EPB41: variants seen among roughly 807,000 people sequenced by gnomAD.
The protein encoded by EPB41 is erythrocyte membrane protein band 4.1.
EPB41 carries 65 observed loss-of-function variants against 108.0 expected under a neutral mutation model. The ratio of observed to expected loss-of-function variants is 0.60; its 90% CI spans 0.49 to 0.74. The LOEUF (loss-of-function observed/expected upper bound fraction) is 0.74, where lower values mean the gene tolerates loss of function less well. Ranked by LOEUF, EPB41 falls within the 30% of genes least tolerant of loss-of-function variation. The probability of loss-of-function intolerance (pLI) is 0.00; values close to 1 mark genes in which losing one functional copy is unlikely to be tolerated. For synonymous variants in EPB41, 336 were observed against 358.9 expected (o/e 0.94, Z 0.72); for missense variants, 875 against 1,037.0 (o/e 0.84, Z 2.15).
chr1:29,060,362 C>T (rs1230870856), intron 14 of EPB41, 60 bp from the exon 15 acceptor site: 23 of 1,558,520 alleles, frequency 1.5e-5, no homozygotes, highest in Admixed American at 6.8e-5. Context: ...AGTTTTTTCC[C>T]GCAAGAACAA....
intron 2 of EPB41, among the ~76,000 whole-genome samples, chr1:28,990,296 T>TTTCCTTCC (rs201526830): frequency 0.044 from 1,932 of 44,058 alleles, 139 homozygotes; most frequent in African/African-American, 0.066. Context: ...GTTTTTCAAA[T>TTTCCTTCC]TTCCTTCCTT....
rs193008833 is a variant in EPB41, at chr1:28,934,984, G to T, written c.-8+20216G>T. ...AACAGAACTAGCCAGGGGTGGTGGC[G>T]CATCCTTGTGGTCCCAGCTACTCAG... On this transcript the variant is annotated intron_variant, in intron 1 of 20. Transcript: ENST00000343067. Among the ~76,000 whole-genome samples, 145 of 151,946 alleles carry T rather than the reference G, an allele frequency of 9.5e-4. 1 individual carries two copies. Among genetic ancestry groups the T allele is most frequent in the African/African-American group, 3.2e-3 (133 of 41,456 alleles).
rs1318433437 is a variant in EPB41 at position 29,053,285 on chromosome 1, T to C, written c.1818T>C (p.Ala606=). The C allele has an allele frequency of 4.3e-6, 7 of 1,614,102 alleles. No homozygotes were observed. The African/African-American group carries it at 9.3e-5, about 22-fold the overall frequency. The change falls in exon 12 of 21, where the codon GCT becomes GCC. Residue 606 remains alanine (A), a synonymous_variant. Coordinates refer to ENST00000343067, the MANE Select transcript of EPB41 (RefSeq NM_001376013.1). ...VKKEDEPPEQ[A]EPEPTEAWKV... is the part of the protein sequence containing the mutation. ...AGGAAGACGAGCCACCTGAGCAAGCTGAGCCAGAGCCCACAGAAGCATGGA... is the reference window on the plus strand; with the variant it reads ...AGGAAGACGAGCCACCTGAGCAAGCCGAGCCAGAGCCCACAGAAGCATGGA...
intron 16 of EPB41, among the ~76,000 whole-genome samples, chr1:29,092,742 C>T (rs768607017): frequency 6.6e-6 from 1 of 152,048 alleles, no homozygotes; most frequent in African/African-American, 2.4e-5. Flanking sequence ...CTGTTGTTCC[C>T]CTCCTTGTAT....
chr1:29,096,984 ATCT>A (rs1663433312), intron 16 of EPB41: 1 of 152,176 alleles, frequency 6.6e-6, no homozygotes, highest in Non-Finnish European at 1.5e-5. Context: ...GGGGCAACTC[ATCT>A]TCTTATGAGA....
chr1:29,088,557 C>G (rs72649246), intron 16 of EPB41, among the ~76,000 whole-genome samples: 4,274 of 152,218 alleles, frequency 0.028, 99 homozygotes, highest in South Asian at 0.041. Context: ...TCCAATGGCC[C>G]TTGATGATGG....
intron 1 of EPB41, among the ~76,000 whole-genome samples, chr1:28,933,444 T>C (rs2093844841): frequency 6.6e-6 from 1 of 152,220 alleles, no homozygotes; most frequent in South Asian, 2.1e-4. Flanking sequence ...TCAAAACTGA[T>C]GTGCAGCACT....
intron 1 of EPB41, among the ~76,000 whole-genome samples, chr1:28,934,453 A>G (rs1278923665): frequency 6.6e-6 from 1 of 152,010 alleles, no homozygotes; most frequent in Non-Finnish European, 1.5e-5. Flanking sequence ...CTTGAGGGCA[A>G]AATATCTACA....
At chr1:28,929,843 CTTT>C (rs56337991) in intron 1 of EPB41, among the ~76,000 whole-genome samples, 107 of 101,864 alleles carry the variant, frequency 1.1e-3, no homozygotes, top group African/African-American at 3.0e-3. Context: ...ACTGGGCCTT[CTTT>C]TTTTTTTTTT....
chr1:29,044,667 C>T (rs1642620360), intron 11 of EPB41, among the ~76,000 whole-genome samples: 1 of 152,084 alleles, frequency 6.6e-6, no homozygotes, highest in African/African-American at 2.4e-5. Flanking sequence ...CATGTTGAAA[C>T]CCTGTCTCTA....
At chr1:28,947,386 G>C (rs1349262681) in intron 1 of EPB41, among the ~76,000 whole-genome samples, 1 of 150,556 alleles carries the variant, frequency 6.6e-6, no homozygotes, top group East Asian at 2.0e-4. Context: ...CCCGTCTGGC[G>C]ACGGAGCGAG....
intron 11 of EPB41, among the ~76,000 whole-genome samples, chr1:29,047,735 T>C (rs1643715739): frequency 6.6e-6 from 1 of 152,158 alleles, no homozygotes; most frequent in Non-Finnish European, 1.5e-5. Flanking sequence ...ATTTTATTAA[T>C]CTTTTCTTTT....
intron 1 of EPB41, among the ~76,000 whole-genome samples, chr1:28,964,147 G>A (rs947325421): frequency 1.3e-5 from 2 of 151,972 alleles, no homozygotes; most frequent in East Asian, 1.9e-4. Context: ...ATTTAACATC[G>A]TCTAATGGCA....
At chr1:29,060,528 C>A (rs1489322805) in intron 15 of EPB41, 44 bp downstream of exon 15, 28 of 1,534,464 alleles carry the variant, frequency 1.8e-5, no homozygotes, top group Non-Finnish European at 2.5e-5. Flanking sequence ...TGCCTGGAAC[C>A]TTCTGCATTC....
At chr1:28,943,683 G>A (rs145280654) in intron 1 of EPB41, among the ~76,000 whole-genome samples, 5 of 151,974 alleles carry the variant, frequency 3.3e-5, no homozygotes, top group Admixed American at 6.6e-5. Context: ...ACACTACAAC[G>A]AGAAGCTTAC....
chr1:29,034,582 A>T (rs933558474), intron 9 of EPB41, among the ~76,000 whole-genome samples: 3 of 152,204 alleles, frequency 2.0e-5, no homozygotes, highest in Non-Finnish European at 4.4e-5. Context: ...AGGCACTCAA[A>T]ATAAATGTCA....
intron 3 of EPB41, among the ~76,000 whole-genome samples, chr1:28,995,678 A>T (rs2096154105): frequency 6.6e-6 from 1 of 152,242 alleles, no homozygotes; most frequent in South Asian, 2.1e-4. Context: ...CACCCACATG[A>T]TCAGACATAG....
At chr1:28,943,332 C>A (rs2094370313) in intron 1 of EPB41, among the ~76,000 whole-genome samples, 1 of 152,138 alleles carries the variant, frequency 6.6e-6, no homozygotes, top group Non-Finnish European at 1.5e-5. Context: ...TGCTCAACAT[C>A]ACTGATCATC....
intron 1 of EPB41, among the ~76,000 whole-genome samples, chr1:28,901,530 A>ATAT (rs1279747977): frequency 2.4e-4 from 35 of 148,642 alleles, no homozygotes; most frequent in Admixed American, 1.3e-3. Context: ...GCCTATTTTT[A>ATAT]TATTATTATT....
Sources: gnomAD v4.1 joint callset for allele counts (sites outside exome capture counted in the v4.1 genomes callset) on GRCh38, gnomAD v4.1.1 for gene constraint, MANE v1.5 for transcripts, NCBI Gene and HGNC (gene_info 2026-07-23, HGNC 2026-07-21) for gene names.